Variants in GRIN2B observed in about 807,000 individuals in gnomAD.
GRIN2B encodes the protein glutamate receptor ionotropic, NMDA 2B.
A neutral mutation model predicts 114.5 loss-of-function variants in GRIN2B; 5 were observed. The ratio of observed to expected loss-of-function variants is 0.04; its 90% confidence interval spans 0.02 to 0.09. The LOEUF (loss-of-function observed/expected upper bound fraction) is 0.09. GRIN2B is among the 10% of genes least tolerant of loss of function. GRIN2B has a pLI of 1.00. For synonymous variants in GRIN2B, 787 were observed against 745.1 expected (o/e 1.06, Z -0.92); for missense variants, 1,108 against 1,943.5 (o/e 0.57, Z 8.08).
chr12:13,839,057 C>T (rs1397551911), intron 3 of GRIN2B, among the ~76,000 whole-genome samples: 3 of 150,646 alleles, frequency 2.0e-5, no homozygotes, highest in African/African-American at 4.9e-5. Flanking sequence ...CAACACATGG[C>T]AAAAGAGGTG....
At chr12:13,727,334 T>G (rs777177034) in intron 4 of GRIN2B, among the ~76,000 whole-genome samples, 2 of 152,190 alleles carry the variant, frequency 1.3e-5, no homozygotes, top group Non-Finnish European at 2.9e-5. Flanking sequence ...TCATGTCTAG[T>G]CTATGTTTTC....
chr12:13,760,494 C>T (rs1436956466), intron 3 of GRIN2B, among the ~76,000 whole-genome samples: 4 of 152,160 alleles, frequency 2.6e-5, no homozygotes, highest in African/African-American at 9.7e-5. Context: ...CCTGTTAGTA[C>T]ACTAGTATAG....
intron 4 of GRIN2B, among the ~76,000 whole-genome samples, chr12:13,709,225 C>T (rs1204624018): frequency 6.6e-6 from 1 of 151,948 alleles, no homozygotes; most frequent in East Asian, 1.9e-4. Context: ...TTAAATAAGG[C>T]TCAGAAACTC....
At chr12:13,717,697 C>G (rs937059187) in intron 4 of GRIN2B, among the ~76,000 whole-genome samples, 4 of 152,008 alleles carry the variant, frequency 2.6e-5, no homozygotes, top group Admixed American at 2.0e-4. Context: ...TCCCCACCCC[C>G]AGAGATCACA....
intron 2 of GRIN2B, among the ~76,000 whole-genome samples, chr12:13,875,678 T>C (rs1338211696): frequency 2.6e-5 from 4 of 152,304 alleles, no homozygotes; most frequent in African/African-American, 9.6e-5. Context: ...AATAATCATG[T>C]TGTTTTGTAA....
chr12:13,564,554 T>C lies in GRIN2B; in HGVS notation c.2684A>G (p.His895Arg). Residue 895 changes from histidine to arginine, a missense_variant, in exon 14 of 14, where the codon CAC becomes CGC. His to Arg is a conservative substitution (Grantham distance 29). Coordinates refer to ENST00000609686, the MANE Select transcript of GRIN2B (RefSeq NM_000834.5). This position sits in a 1 kb window ranked among gnomAD's most constrained non-coding sequence, Gnocchi z 4.8. The part of the protein sequence containing the change: ...NSPTATMNNT[H>R]SNILRLLRTA... ...GCGCAGCAGGCGCAGGATGTTGGAG[T>C]GTGTGTTGTTCATGGTTGCGGTGGG... is the stretch of plus-strand genomic sequence containing the variant. The C allele has an allele frequency of 6.2e-7, 1 of 1,613,930 alleles. No homozygotes were observed. Among genetic ancestry groups the C allele is most frequent in the Non-Finnish European group, 8.5e-7 (1 of 1,179,930 alleles).
At chr12:13,788,945 G>T (rs1214443480) in intron 3 of GRIN2B, among the ~76,000 whole-genome samples, 3 of 152,146 alleles carry the variant, frequency 2.0e-5, no homozygotes, top group Non-Finnish European at 4.4e-5. Flanking sequence ...GAGATACAAA[G>T]CTCCGGCAAA....
chr12:13,678,642 C>T (rs1950099150), intron 4 of GRIN2B, among the ~76,000 whole-genome samples: 1 of 152,126 alleles, frequency 6.6e-6, no homozygotes, highest in Non-Finnish European at 1.5e-5. Context: ...GCTCAATCTG[C>T]TCCACTTCTT....
intron 3 of GRIN2B, among the ~76,000 whole-genome samples, chr12:13,798,446 T>TG (rs1214277305): frequency 1.3e-5 from 2 of 152,322 alleles, no homozygotes; most frequent in Admixed American, 6.5e-5. Flanking sequence ...CAGTTTCTGC[T>TG]AATTTTTTCT....
At chr12:13,888,750 A>G (rs115127299) in intron 2 of GRIN2B, among the ~76,000 whole-genome samples, 2,901 of 150,980 alleles carry the variant, frequency 0.019, 90 homozygotes, top group African/African-American at 0.067. Flanking sequence ...AAAAAGAAAT[A>G]TCATATACAG....
chr12:13,910,294 C>T (rs149314742), intron 2 of GRIN2B, among the ~76,000 whole-genome samples: 237 of 152,252 alleles, frequency 1.6e-3, no homozygotes, highest in African/African-American at 5.6e-3. Flanking sequence ...CATAAACACC[C>T]CCAAATTTCT....
chr12:13,643,493 G>A (rs114991212), intron 5 of GRIN2B, among the ~76,000 whole-genome samples: 3,628 of 152,198 alleles, frequency 0.024, 120 homozygotes, highest in African/African-American at 0.07. Context: ...TCGCCTCCAC[G>A]TTGATGGCTG....
chr12:13,637,159 G>C (rs2136503384), intron 5 of GRIN2B, among the ~76,000 whole-genome samples: 1 of 152,286 alleles, frequency 6.6e-6, no homozygotes, highest in African/African-American at 2.4e-5. Flanking sequence ...TTGAAAGACT[G>C]GATTTTATAA....
At chr12:13,719,139 G>T (rs550672295) in intron 4 of GRIN2B, among the ~76,000 whole-genome samples, 31 of 151,882 alleles carry the variant, frequency 2.0e-4, no homozygotes, top group Non-Finnish European at 3.5e-4. Flanking sequence ...GGGGCCAGGG[G>T]ATGACCTACA....
chr12:13,577,767 T>C (rs1337703010), intron 10 of GRIN2B, among the ~76,000 whole-genome samples: 2 of 152,196 alleles, frequency 1.3e-5, no homozygotes, highest in Non-Finnish European at 2.9e-5. Context: ...CAGCATCTAT[T>C]AGGGCAGGAG....
chr12:13,706,013 G>A (rs1054856239), intron 4 of GRIN2B, among the ~76,000 whole-genome samples: 20 of 152,000 alleles, frequency 1.3e-4, no homozygotes, highest in African/African-American at 2.4e-4. Flanking sequence ...AGAACCTCCC[G>A]GCTGATTAAT....
At chr12:13,590,631 C>T (rs150725155) in intron 10 of GRIN2B, among the ~76,000 whole-genome samples, 4,538 of 152,126 alleles carry the variant, frequency 0.03, 249 homozygotes, top group African/African-American at 0.1. Flanking sequence ...GCCACATTTT[C>T]TTTATCCAGT....
chr12:13,810,895 T>C (rs1357623201), intron 3 of GRIN2B, among the ~76,000 whole-genome samples: 29 of 152,212 alleles, frequency 1.9e-4, no homozygotes, highest in Non-Finnish European at 2.9e-5. Flanking sequence ...TTCTTCTCCT[T>C]CCAATACCCC....
At chr12:13,740,665 T>G (rs56936751) in intron 4 of GRIN2B, among the ~76,000 whole-genome samples, 2,370 of 152,336 alleles carry the variant, frequency 0.016, 67 homozygotes, top group African/African-American at 0.054. Context: ...GTATTTTCAA[T>G]GCATCTGTAA....
Sources: allele counts gnomAD v4.1 joint callset (sites outside exome capture counted in the v4.1 genomes callset), GRCh38; gene constraint gnomAD v4.1.1; non-coding constraint Gnocchi (gnomAD v3.1); transcripts MANE v1.5; gene names NCBI Gene and HGNC (gene_info 2026-07-23, HGNC 2026-07-21).